EMP2: variants seen among roughly 807,000 people sequenced by gnomAD.
EMP2 encodes epithelial membrane protein 2.
Under a neutral mutation model 13.7 loss-of-function variants are expected in EMP2, and 19 were observed. The observed-to-expected ratio is 1.38, with a 90% CI of 0.97 to 2.03. EMP2 has a LOEUF of 2.03. Among genes scored for constraint, EMP2 ranks in the 30% most tolerant of loss-of-function variants. The pLI, the probability that EMP2 is intolerant of heterozygous loss-of-function variation, is 0.00. For missense variants in EMP2, 253 were observed against 220.7 expected (o/e 1.15, Z -0.93); for synonymous variants, 97 against 84.7 (o/e 1.15, Z -0.80).
chr16:10,560,483 A>C (rs1163552799), intron 1 of EMP2, among the ~76,000 whole-genome samples: 1 of 152,188 alleles, frequency 6.6e-6, no homozygotes, highest in Non-Finnish European at 1.5e-5. Flanking sequence ...CAGGGCTCTA[A>C]TCCCAGGCTT....
intron 1 of EMP2, among the ~76,000 whole-genome samples, chr16:10,567,228 C>T (rs942132125): frequency 5.3e-5 from 8 of 152,194 alleles, no homozygotes; most frequent in African/African-American, 1.7e-4. Flanking sequence ...GTCCCCGTGC[C>T]CAGCACAGTG....
At chr16:10,554,355 A>G (rs1183679164) in intron 1 of EMP2, among the ~76,000 whole-genome samples, 1 of 152,160 alleles carries the variant, frequency 6.6e-6, no homozygotes, top group Non-Finnish European at 1.5e-5. Context: ...ACTCTTAAGC[A>G]TTTATGTGAG....
intron 1 of EMP2, among the ~76,000 whole-genome samples, chr16:10,562,044 A>G (rs1433532684): frequency 6.6e-6 from 1 of 152,238 alleles, no homozygotes; most frequent in Non-Finnish European, 1.5e-5. Flanking sequence ...GAAATTGAAG[A>G]GAAGGGGACA....
intron 2 of EMP2, 69 bp downstream of exon 2, chr16:10,547,471 C>G (rs983312605): frequency 3.3e-6 from 5 of 1,526,112 alleles, no homozygotes; most frequent in Non-Finnish European, 4.5e-6. Flanking sequence ...TGAGAACAGA[C>G]CAATACAACC....
chr16:10,566,204 G>C (rs9923123), intron 1 of EMP2, among the ~76,000 whole-genome samples: 7,898 of 152,260 alleles, frequency 0.052, 677 homozygotes, highest in African/African-American at 0.18. Context: ...ACAGCTGAAA[G>C]ATTTTCCTTC....
intron 1 of EMP2, among the ~76,000 whole-genome samples, chr16:10,558,320 C>T (rs1419594819): frequency 6.6e-6 from 1 of 152,160 alleles, no homozygotes; most frequent in African/African-American, 2.4e-5. Flanking sequence ...AGCCAGGGTG[C>T]CCAGCTGGAG....
chr16:10,570,224 CT>C (rs544574300), intron 1 of EMP2, among the ~76,000 whole-genome samples: 2,932 of 131,670 alleles, frequency 0.022, 29 homozygotes, highest in African/African-American at 0.036. Context: ...AAAATGGTGG[CT>C]TTTTTTTTTT....
chr16:10,549,379 A>T (rs553854469), intron 1 of EMP2, among the ~76,000 whole-genome samples: 1 of 152,192 alleles, frequency 6.6e-6, no homozygotes, highest in Non-Finnish European at 1.5e-5. Context: ...AATGAGGAAA[A>T]AGCATTCAAA....
intron 1 of EMP2, among the ~76,000 whole-genome samples, chr16:10,561,117 G>C (rs1207297937): frequency 6.6e-6 from 1 of 152,144 alleles, no homozygotes; most frequent in Non-Finnish European, 1.5e-5. Flanking sequence ...GGACAGAAGG[G>C]AGGGAGCCAA....
Position 10,571,212 on chromosome 16 carries a change from G to A in EMP2, c.-61+9337C>T, listed in dbSNP as rs192555912. Among the ~76,000 whole-genome samples, 471 of 135,882 alleles carry A rather than the reference G, an allele frequency of 3.5e-3. 2 individuals are homozygous for A. Among genetic ancestry groups the A allele is most frequent in the African/African-American group, 0.013 (444 of 34,920 alleles). The allele number at this position is 135,882 out of a possible 152,430, so 89.1% of individuals were successfully genotyped here. A position where few individuals can be genotyped will look rare whatever the true frequency, so the allele number is the denominator to read the frequency against. ...TCGGCGGCTGCAGTGAGCTGAGATC[G>A]CGCCACTGCACTCCAGCCTGGTGAC... On this transcript the variant is annotated intron_variant, in intron 1 of 4. Coordinates refer to ENST00000359543, the MANE Select transcript of EMP2 (RefSeq NM_001424.6).
At chr16:10,553,714 G>C (rs1232095673) in intron 1 of EMP2, among the ~76,000 whole-genome samples, 2 of 152,226 alleles carry the variant, frequency 1.3e-5, no homozygotes, top group Non-Finnish European at 2.9e-5. Flanking sequence ...GGGCTGCCTG[G>C]TGTTTTGTTG....
chr16:10,542,321 C>A (rs1251188439), intron 3 of EMP2, among the ~76,000 whole-genome samples: 1 of 152,034 alleles, frequency 6.6e-6, no homozygotes, highest in Non-Finnish European at 1.5e-5. Flanking sequence ...TCACTTGAGC[C>A]CGGGAGGTCA....
intron 1 of EMP2, among the ~76,000 whole-genome samples, chr16:10,578,535 C>T (rs988030284): frequency 1.3e-5 from 2 of 152,178 alleles, no homozygotes; most frequent in Admixed American, 6.5e-5. Flanking sequence ...CCAGCCAGAG[C>T]GGGTGCACCC....
At position 10,538,078 on chromosome 16, in the gene EMP2, C is replaced by A. The variant is rs771656461; in HGVS notation, c.170-4G>T. 6.2e-7 allele frequency: 1 copy of A among 1,613,170 alleles called. No individual in the cohort carries two copies. The highest frequency in any genetic ancestry group is 1.3e-5 in the African/African-American group (1 of 74,974). On this transcript the variant is annotated splice_polypyrimidine_tract_variant and splice_region_variant and intron_variant, in intron 3 of 4. Transcript: ENST00000359543. ...ACCGCCTGCAGCGTGGAGTACTCTG[C>A]GGGAAAAGGGCAGGGGCGCAGGACT...
At position 10,558,084 on chromosome 16, in the gene EMP2, C is replaced by T. The variant is rs557749324; in HGVS notation, c.-60-10407G>A. 1.5e-4 allele frequency among the ~76,000 whole-genome samples: 23 copies of T among 150,602 alleles called. No homozygotes were observed. The East Asian group carries it at 1.8e-3, about 12-fold the overall frequency. The stretch of plus-strand genomic sequence containing the variant: ...TCTCTCTGTTGCCCAGGCTGGAGTG[C>T]AGTGGCTCAAACATTGCTCACGGCA... On this transcript the variant is annotated intron_variant, in intron 1 of 4. Coordinates refer to ENST00000359543, the MANE Select transcript of EMP2 (RefSeq NM_001424.6).
chr16:10,575,839 T>G (rs771879032), intron 1 of EMP2, among the ~76,000 whole-genome samples: 7 of 151,778 alleles, frequency 4.6e-5, no homozygotes, highest in Non-Finnish European at 7.4e-5. Context: ...ATGAAGGGAC[T>G]CCCCTGGAAG....
intron 1 of EMP2, among the ~76,000 whole-genome samples, chr16:10,565,932 T>C (rs912539629): frequency 3.9e-5 from 6 of 152,212 alleles, no homozygotes; most frequent in Admixed American, 3.9e-4. Context: ...AATGACATTG[T>C]GCGGCTGTGC....
chr16:10,550,354 T>G lies in EMP2; in HGVS notation c.-60-2677A>C, dbSNP rs185842784. Among the ~76,000 whole-genome samples, 197 of 152,326 alleles carry G rather than the reference T, an allele frequency of 1.3e-3. 1 individual carries two copies. Among genetic ancestry groups the G allele is most frequent in the African/African-American group, 4.3e-3 (177 of 41,574 alleles). On this transcript the variant is annotated intron_variant, in intron 1 of 4. Transcript: ENST00000359543. Reference sequence around the variant, plus strand: ...CAGGATCCAATCCAAGCTGATACACTGCATTTTCGTTTCAGGTCTCTTTAG... The same window carrying G: ...CAGGATCCAATCCAAGCTGATACACGGCATTTTCGTTTCAGGTCTCTTTAG...
intron 1 of EMP2, among the ~76,000 whole-genome samples, chr16:10,555,820 C>T (rs780745081): frequency 3.3e-5 from 5 of 152,148 alleles, no homozygotes; most frequent in Non-Finnish European, 5.9e-5. Flanking sequence ...CTCCCAATCT[C>T]GGGTGATCTG....
Sources: gnomAD v4.1 joint callset for allele counts (sites outside exome capture counted in the v4.1 genomes callset) on GRCh38, gnomAD v4.1.1 for gene constraint, MANE v1.5 for transcripts, NCBI Gene and HGNC (gene_info 2026-07-23, HGNC 2026-07-21) for gene names.